SLIT2: variants seen among roughly 807,000 people sequenced by gnomAD.
SLIT2 encodes the protein slit guidance ligand 2.
Under a neutral mutation model 185.7 loss-of-function variants are expected in SLIT2, and 41 were observed. The ratio of observed to expected loss-of-function variants is 0.22; its 90% CI spans 0.17 to 0.29. The LOEUF is 0.29. Among genes scored for constraint, SLIT2 ranks in the 10% least tolerant of loss-of-function variants. The pLI, the probability that SLIT2 is intolerant of heterozygous loss-of-function variation, is 1.00. For missense variants in SLIT2, 1,571 were observed against 1,909.0 expected, an observed-to-expected ratio of 0.82 and a Z score of 3.30; for synonymous variants, 693 against 680.2, an observed-to-expected ratio of 1.02 and a Z score of -0.29.
chr4:20,406,309 C>G lies in SLIT2; in HGVS notation c.396-61443C>G, dbSNP rs533733120. 5.6e-5 allele frequency among the ~76,000 whole-genome samples: 8 copies of G among 143,772 alleles called. 1 individual carries two copies. The highest frequency in any genetic ancestry group is 1.2e-4 in the Non-Finnish European group (8 of 64,582). 94.3% of individuals were successfully genotyped at this position (143,772 alleles called of 152,430 possible). The stretch of plus-strand genomic sequence containing the variant: ...AATTATAAATGAAAAGATTGAGAAA[C>G]TCAACTTTATTAAAGTTTAAAAACT... On this transcript the variant is annotated intron_variant, in intron 4 of 36. Coordinates refer to ENST00000504154, the MANE Select transcript of SLIT2 (RefSeq NM_004787.4).
At chr4:20,334,519 G>A (rs4132472) in intron 4 of SLIT2, among the ~76,000 whole-genome samples, 132,273 of 152,116 alleles carry the variant, frequency 0.87, 57,702 homozygotes, top group African/African-American at 0.92. Flanking sequence ...CCCTTAACTG[G>A]GTGGTTCCTT....
chr4:20,383,410 A>AAAT (rs1724687114), intron 4 of SLIT2, among the ~76,000 whole-genome samples: 3 of 152,200 alleles, frequency 2.0e-5, no homozygotes, highest in African/African-American at 7.2e-5. Flanking sequence ...ACCAGTGGGC[A>AAAT]AAATATTTGA....
chr4:20,437,830 G>C (rs1729455440), intron 4 of SLIT2, among the ~76,000 whole-genome samples: 1 of 149,718 alleles, frequency 6.7e-6, no homozygotes, highest in Non-Finnish European at 1.5e-5. Flanking sequence ...CAGGAGAATG[G>C]CGTGAACCCA....
In SLIT2 at chr4:20,346,798, G is replaced by C. The variant is rs140130702; in HGVS notation, c.395+77917G>C. On this transcript the variant is annotated intron_variant, in intron 4 of 36. Coordinates refer to ENST00000504154, the MANE Select transcript of SLIT2 (RefSeq NM_004787.4). ...AAGAGTCTTAAAGCTGAAGAACTTG[G>C]AGTCTGATATTCGAGGGCAGGAAGC... Among the ~76,000 whole-genome samples the C allele has an allele frequency of 5.6e-3, 846 of 152,268 alleles. 4 individuals carry two copies. The highest frequency in any genetic ancestry group is 0.019 in the African/African-American group (788 of 41,556).
At chr4:20,545,173 C>G (rs765794679) in intron 21 of SLIT2, among the ~76,000 whole-genome samples, 1 of 152,092 alleles carries the variant, frequency 6.6e-6, no homozygotes, top group South Asian at 2.1e-4. Flanking sequence ...GGGGTAGGAA[C>G]GGCCACATGT....
intron 4 of SLIT2, among the ~76,000 whole-genome samples, chr4:20,321,661 C>G (rs1018597501): frequency 6.6e-6 from 1 of 152,196 alleles, no homozygotes; most frequent in Non-Finnish European, 1.5e-5. Flanking sequence ...ATTCATAAAG[C>G]ATGAAATGCG....
In SLIT2 at chr4:20,384,289, G is replaced by A. The variant is rs1256766701; in HGVS notation, c.396-83463G>A. On this transcript the variant is annotated intron_variant, in intron 4 of 36. Transcript: ENST00000504154. ...AGCAGCTAGCTGCAAAAGATCCCAG[G>A]TTGCATTTTCATGTATATAATATTC... Among the ~76,000 whole-genome samples, 3 of 152,146 alleles carry A rather than the reference G, an allele frequency of 2.0e-5. No individual in the cohort carries two copies. The Middle Eastern group carries it at 0.01, about 518-fold the overall frequency.
chr4:20,312,603 A>G (rs1329425692), intron 4 of SLIT2, among the ~76,000 whole-genome samples: 1 of 151,748 alleles, frequency 6.6e-6, no homozygotes. Context: ...GAAACCCCAT[A>G]TCTACTAAAA....
intron 29 of SLIT2, among the ~76,000 whole-genome samples, chr4:20,570,735 A>ATATATG (rs1725519990): frequency 5.0e-5 from 1 of 19,812 alleles, no homozygotes; most frequent in African/African-American, 2.0e-4. Flanking sequence ...ATATATGTAT[A>ATATATG]TATATATATA....
At chr4:20,285,475 A>G in intron 4 of SLIT2, among the ~76,000 whole-genome samples, 1 of 152,230 alleles carries the variant, frequency 6.6e-6, no homozygotes, top group Non-Finnish European at 1.5e-5. Context: ...AGATAAGCAC[A>G]CTGACACTGA....
At chr4:20,519,547 G>A in intron 12 of SLIT2, 94 bp downstream of exon 12, 1 of 713,322 alleles carries the variant, frequency 1.4e-6, no homozygotes, top group Non-Finnish European at 2.4e-6. Context: ...GGAAAAATTT[G>A]ACTCAAAATG....
intron 4 of SLIT2, among the ~76,000 whole-genome samples, chr4:20,450,018 A>G (rs1447262998): frequency 2.0e-5 from 3 of 152,340 alleles, no homozygotes; most frequent in East Asian, 1.9e-4. Flanking sequence ...TGGCAAGAGT[A>G]TAGTTAGTAA....
chr4:20,406,654 C>T (rs1726800628), intron 4 of SLIT2, among the ~76,000 whole-genome samples: 1 of 144,502 alleles, frequency 6.9e-6, no homozygotes, highest in African/African-American at 2.4e-5. Context: ...AATAAACTGA[C>T]AGCACCAGTG....
intron 4 of SLIT2, among the ~76,000 whole-genome samples, chr4:20,446,852 A>C (rs768484442): frequency 1.3e-5 from 2 of 152,202 alleles, no homozygotes; most frequent in South Asian, 4.1e-4. Context: ...ATGTACCCCA[A>C]CTTCTCTGTG....
At chr4:20,530,606 G>C (rs963970387) in intron 16 of SLIT2, among the ~76,000 whole-genome samples, 3 of 152,098 alleles carry the variant, frequency 2.0e-5, no homozygotes, top group Admixed American at 2.0e-4. Flanking sequence ...AAGTTTGTTT[G>C]TCATGGAGGA....
chr4:20,589,746 A>G lies in SLIT2; in HGVS notation c.3182+9A>G. ...ACTCCAAAGGGATTCAAGTAAGTCAAAAGCTACCTTTTTGCTCACAGTCAG... is the reference window on the plus strand; with the variant it reads ...ACTCCAAAGGGATTCAAGTAAGTCAGAAGCTACCTTTTTGCTCACAGTCAG... On this transcript the variant is annotated intron_variant, in intron 30 of 36. Coordinates refer to ENST00000504154, the MANE Select transcript of SLIT2 (RefSeq NM_004787.4). The G allele has an allele frequency of 3.1e-6, 5 of 1,608,116 alleles. No individual in the cohort carries two copies. Among genetic ancestry groups the G allele is most frequent in the Non-Finnish European group, 4.3e-6 (5 of 1,175,280 alleles).
At chr4:20,541,743 G>A (rs747365589) in intron 20 of SLIT2, 124 bp downstream of exon 20, 70 of 897,426 alleles carry the variant, frequency 7.8e-5, no homozygotes, top group Non-Finnish European at 1.0e-4. Context: ...TTGCTTTGTC[G>A]TTTGGGTTTT....
intron 4 of SLIT2, among the ~76,000 whole-genome samples, chr4:20,282,586 A>C (rs76915646): frequency 0.036 from 5,474 of 152,308 alleles, 256 homozygotes; most frequent in East Asian, 0.13. Flanking sequence ...TTCAAGAGAA[A>C]AGTGTTCTGT....
intron 4 of SLIT2, among the ~76,000 whole-genome samples, chr4:20,411,614 A>T (rs1020279800): frequency 1.3e-5 from 2 of 152,186 alleles, no homozygotes; most frequent in African/African-American, 4.8e-5. Context: ...AGGTCCAGTG[A>T]CTTGTTTTAG....
Sources: gnomAD v4.1 joint callset for allele counts (sites outside exome capture counted in the v4.1 genomes callset) on GRCh38, gnomAD v4.1.1 for gene constraint, MANE v1.5 for transcripts, NCBI Gene and HGNC (gene_info 2026-07-23, HGNC 2026-07-21) for gene names.